Variants in LYN observed in about 807,000 individuals in gnomAD.
LYN encodes the protein LYN proto-oncogene, Src family tyrosine kinase.
A neutral mutation model predicts 65.0 loss-of-function variants in LYN; 12 were observed. That is an observed-to-expected ratio of 0.18 (90% confidence interval 0.12 to 0.30). The LOEUF (loss-of-function observed/expected upper bound fraction) is 0.30. Among genes scored for constraint, LYN ranks in the 10% least tolerant of loss-of-function variants. The pLI is 1.00. For missense variants in LYN, 380 were observed against 623.2 expected, an observed-to-expected ratio of 0.61 and a Z score of 4.16; for synonymous variants, 222 against 221.2, an observed-to-expected ratio of 1.00 and a Z score of -0.03.
chr8:55,896,230 A>G (rs1351246118), intron 1 of LYN, among the ~76,000 whole-genome samples: 1 of 152,010 alleles, frequency 6.6e-6, no homozygotes, highest in Non-Finnish European at 1.5e-5. Flanking sequence ...TGATTATGCC[A>G]CTGCACTCCA....
chr8:55,999,158 C>T (rs1808451408), intron 11 of LYN, among the ~76,000 whole-genome samples: 1 of 152,128 alleles, frequency 6.6e-6, no homozygotes, highest in Non-Finnish European at 1.5e-5. Context: ...TTGCAGTGCT[C>T]ACTGTCTTCT....
intron 1 of LYN, among the ~76,000 whole-genome samples, chr8:55,915,933 T>A (rs1418341829): frequency 6.6e-6 from 1 of 152,194 alleles, no homozygotes; most frequent in Non-Finnish European, 1.5e-5. Context: ...CCATAAGCTC[T>A]AAGATATGAC....
chr8:56,001,310 A>AAGAAGGCTATGT, intron 12 of LYN, among the ~76,000 whole-genome samples: 1 of 152,210 alleles, frequency 6.6e-6, no homozygotes, highest in African/African-American at 2.4e-5. Context: ...ATGGATGAGA[A>AAGAAGGCTATGT]AGAAGGCTAT....
At chr8:55,940,615 C>G (rs1806581677) in intron 1 of LYN, among the ~76,000 whole-genome samples, 1 of 152,184 alleles carries the variant, frequency 6.6e-6, no homozygotes, top group South Asian at 2.1e-4. Flanking sequence ...ACCTCGTGAT[C>G]CGCCTTCCTT....
At chr8:55,985,896 G>A (rs1329356465) in intron 10 of LYN, among the ~76,000 whole-genome samples, 1 of 152,190 alleles carries the variant, frequency 6.6e-6, no homozygotes, top group Admixed American at 6.5e-5. Flanking sequence ...ACCAGGCTCA[G>A]TGGCTCATGT....
At chr8:55,974,712 G>A (rs982169603) in intron 10 of LYN, among the ~76,000 whole-genome samples, 2 of 152,142 alleles carry the variant, frequency 1.3e-5, no homozygotes, top group East Asian at 1.9e-4. Context: ...TGTCTGGAAC[G>A]TAAGAGATGT....
chr8:55,978,326 G>C (rs183105711), intron 10 of LYN, among the ~76,000 whole-genome samples: 139 of 152,348 alleles, frequency 9.1e-4, no homozygotes, highest in African/African-American at 3.2e-3. Flanking sequence ...GGGCCTGAGC[G>C]AGGTCAGTGT....
At chr8:55,975,519 G>A (rs2719230) in intron 10 of LYN, among the ~76,000 whole-genome samples, 32,032 of 152,198 alleles carry the variant, frequency 0.21, 3,613 homozygotes, top group Middle Eastern at 0.27. Flanking sequence ...CTGAGGCTAT[G>A]CAGATGACAT....
At chr8:55,919,348 A>G (rs1385364784) in intron 1 of LYN, among the ~76,000 whole-genome samples, 1 of 152,196 alleles carries the variant, frequency 6.6e-6, no homozygotes, top group Non-Finnish European at 1.5e-5. Context: ...ACTTTAAGTT[A>G]GTGTAGAGTT....
intron 1 of LYN, among the ~76,000 whole-genome samples, chr8:55,881,511 G>A (rs1804652316): frequency 6.6e-6 from 1 of 152,198 alleles, no homozygotes; most frequent in African/African-American, 2.4e-5. Flanking sequence ...TTCTCATTTG[G>A]AGGTAAGCAG....
At chr8:55,908,222 CATTTATTTATTT>C (rs60930363) in intron 1 of LYN, among the ~76,000 whole-genome samples, 88 of 143,048 alleles carry the variant, frequency 6.2e-4, no homozygotes, top group Admixed American at 2.8e-3. Context: ...CTGTTTAAAC[CATTTATTTATTT>C]ATTTATTTAT....
chr8:55,968,380 C>T (rs59414068), intron 9 of LYN, among the ~76,000 whole-genome samples: 5,557 of 152,156 alleles, frequency 0.037, 381 homozygotes, highest in African/African-American at 0.13. Flanking sequence ...CTCAGCCTCC[C>T]AAGTAGCTGG....
chr8:56,008,209 T>C (rs1012960839), intron 12 of LYN, among the ~76,000 whole-genome samples: 3 of 152,146 alleles, frequency 2.0e-5, no homozygotes, highest in Non-Finnish European at 4.4e-5. Flanking sequence ...TGATCCCAAA[T>C]GCGGATAGTG....
chr8:55,922,778 G>A (rs1805982530), intron 1 of LYN, among the ~76,000 whole-genome samples: 2 of 148,956 alleles, frequency 1.3e-5, no homozygotes, highest in Admixed American at 6.6e-5. Flanking sequence ...AAAAAAAAAA[G>A]AATTTTGAAT....
intron 1 of LYN, among the ~76,000 whole-genome samples, chr8:55,926,311 G>C (rs2130442906): frequency 1.3e-5 from 2 of 152,310 alleles, no homozygotes; most frequent in Middle Eastern, 6.8e-3. Flanking sequence ...GTTACTGAAT[G>C]GTTGATTGAG....
At chr8:55,946,874 C>T (rs1377489445) in intron 3 of LYN, among the ~76,000 whole-genome samples, 1 of 152,322 alleles carries the variant, frequency 6.6e-6, no homozygotes, top group East Asian at 1.9e-4. Context: ...TTCACTTAGC[C>T]TGATGTCCTC....
chr8:55,959,512 AAT>A, intron 8 of LYN, among the ~76,000 whole-genome samples: 1 of 152,362 alleles, frequency 6.6e-6, no homozygotes, highest in Admixed American at 6.5e-5. Context: ...TTAGTAAGAA[AAT>A]ATGTCACATT....
chr8:55,982,961 T>TCTCTC (rs1046496453), intron 10 of LYN, among the ~76,000 whole-genome samples: 2 of 151,978 alleles, frequency 1.3e-5, no homozygotes, highest in African/African-American at 4.8e-5. Context: ...CTGCTTCTCT[T>TCTCTC]CTCTCCTCCC....
chr8:55,889,007 ATTTC>A (rs1265677247), intron 1 of LYN, among the ~76,000 whole-genome samples: 1 of 151,772 alleles, frequency 6.6e-6, no homozygotes, highest in South Asian at 2.1e-4. Flanking sequence ...CCTCACGTGT[ATTTC>A]TTTCTTTATT....
Sources: gnomAD v4.1 joint callset for allele counts (sites outside exome capture counted in the v4.1 genomes callset) on GRCh38, gnomAD v4.1.1 for gene constraint, MANE v1.5 for transcripts, NCBI Gene and HGNC (gene_info 2026-07-23, HGNC 2026-07-21) for gene names.